Variants in PATE1 observed in about 807,000 individuals in gnomAD.
PATE1 encodes prostate and testis expressed 1, also known as prostate and testis expressed protein 1.
PATE1 carries 21 observed loss-of-function variants against 13.1 expected under a neutral mutation model. The ratio of observed to expected loss-of-function variants is 1.61; its 90% CI spans 1.14 to 2.31. PATE1 has a LOEUF of 2.31. Among genes scored for constraint, PATE1 ranks in the 30% most tolerant of loss-of-function variants. The probability of loss-of-function intolerance (pLI) is 0.00; values close to 1 mark genes in which losing one functional copy is unlikely to be tolerated. For missense variants in PATE1, 166 were observed against 147.2 expected, an observed-to-expected ratio of 1.13 and a Z score of -0.66; for synonymous variants, 52 against 47.1, an observed-to-expected ratio of 1.10 and a Z score of -0.43.
chr11:125,746,538 C>G lies in PATE1; in HGVS notation c.53-123C>G, dbSNP rs572872979. The G allele has an allele frequency of 4.4e-6, 6 of 1,372,084 alleles. No homozygotes were observed. The South Asian group carries it at 7.3e-5, about 17-fold the overall frequency. 85.0% of individuals were successfully genotyped at this position (1,372,084 alleles called of 1,614,324 possible). A position where few individuals can be genotyped will look rare whatever the true frequency, so the allele number is the denominator to read the frequency against. On this transcript the variant is annotated intron_variant, in intron 1 of 4. Transcript: ENST00000305738. ...CCAGGACCTTAACTAAAGCTCTTCTCCCTTCCTTTATGGGGGGAAATAGGT... is the reference window on the plus strand; with the variant it reads ...CCAGGACCTTAACTAAAGCTCTTCTGCCTTCCTTTATGGGGGGAAATAGGT...
rs1565413567 is a variant in PATE1, at chr11:125,746,315, C to T, written c.11C>T (p.Ser4Phe). 6.2e-7 allele frequency: 1 copy of T among 1,613,940 alleles called. No individual in the cohort carries two copies. The highest frequency in any genetic ancestry group is 8.5e-7 in the Non-Finnish European group (1 of 1,179,852). Residue 4 changes from serine (S) to phenylalanine (F), a missense_variant, in exon 1 of 5, where the codon TCC becomes TTC. By Grantham distance (155) the Ser-to-Phe change is radical. Transcript: ENST00000305738. ...CTCCCTCTTTCCAAAATGGACAAGT[C>T]CCTCTTGCTGGAACTCCCCATCCTG... MDKSLLLELPILLC... is the reference protein window; with the variant it reads MDKFLLLELPILLC...
chr11:125,746,317 C>G lies in PATE1; in HGVS notation c.13C>G (p.Leu5Val). The G allele has an allele frequency of 6.2e-7, 1 of 1,613,968 alleles. No homozygotes were observed. Among genetic ancestry groups the G allele is most frequent in the Non-Finnish European group, 8.5e-7 (1 of 1,179,872 alleles). MDKS[L>V]LLELPILLCC... The stretch of plus-strand genomic sequence containing the variant: ...CCCTCTTTCCAAAATGGACAAGTCC[C>G]TCTTGCTGGAACTCCCCATCCTGCT... The change falls in exon 1 of 5, where the codon CTC becomes GTC. Residue 5 changes from leucine to valine, a missense_variant. Physicochemically the swap from Leu to Val is conservative, Grantham distance 32. Transcript: ENST00000305738.
chr11:125,747,841 A>G lies in PATE1; in HGVS notation c.247+19A>G, dbSNP rs971930471. On this transcript the variant is annotated intron_variant, in intron 4 of 4. Coordinates refer to ENST00000305738, the MANE Select transcript of PATE1 (RefSeq NM_138294.3). ...TTCAAAAGTAAGTTGTGGGTTGGGG[A>G]AAAGAAGAACGGGCAGAGGACGTAT... 6 of 1,613,270 alleles carry G rather than the reference A, an allele frequency of 3.7e-6. No individual in the cohort carries two copies. Among genetic ancestry groups the G allele is most frequent in the East Asian group, 4.5e-5 (2 of 44,874 alleles).
intron 3 of PATE1, 98 bp downstream of exon 3, chr11:125,747,509 A>C: frequency 6.9e-7 from 1 of 1,441,908 alleles, no homozygotes; most frequent in Non-Finnish European, 9.6e-7. Flanking sequence ...TTTTCAGGCT[A>C]AAATTCCTGA....
At chr11:125,748,094 C>G in intron 4 of PATE1, 1 of 439,356 alleles carries the variant, frequency 2.3e-6, no homozygotes, top group Non-Finnish European at 4.1e-6. Flanking sequence ...TAGGTGTAAT[C>G]TATGCCCAAT....
At chr11:125,746,596 A>G in intron 1 of PATE1, 65 bp from the exon 2 acceptor site, 1 of 1,576,734 alleles carries the variant, frequency 6.3e-7, no homozygotes, top group South Asian at 1.1e-5. Flanking sequence ...ATGTTCATAG[A>G]AGCTTTGAGA....
chr11:125,747,701 G>A lies in PATE1; in HGVS notation c.126G>A (p.Val42=). Residue 42 remains valine, a splice_region_variant and synonymous_variant, in exon 4 of 5, where the codon GTG becomes GTA. Coordinates refer to ENST00000305738, the MANE Select transcript of PATE1 (RefSeq NM_138294.3). The part of the protein sequence containing the change: ...EIVAVKNNFP[V]IEIVQCRMCH... ...CTCTTTCCCCTCTCTCTGGCCAAGT[G>A]ATAGAAATTGTTCAGTGTAGGATGT... 1 of 1,613,328 alleles carries A rather than the reference G, an allele frequency of 6.2e-7. No individual in the cohort carries two copies. Among genetic ancestry groups the A allele is most frequent in the Non-Finnish European group, 8.5e-7 (1 of 1,179,702 alleles).
In PATE1 at chr11:125,747,801, A is replaced by C. The variant is rs761928759; in HGVS notation, c.226A>C (p.Met76Leu). 1 of 1,613,874 alleles carries C rather than the reference A, an allele frequency of 6.2e-7. No homozygotes were observed. The change falls in exon 4 of 5, where the codon ATG becomes CTG. Residue 76 changes from methionine (M) to leucine (L), a missense_variant. Met to Leu is a conservative substitution (Grantham distance 15). Transcript: ENST00000305738. ...ICTATTEEAC[M>L]VGRMFKRDGN... The stretch of plus-strand genomic sequence containing the variant: ...CACAGCAACAACAGAAGAGGCCTGC[A>C]TGGTTGGAAGGATGTTCAAAAGTAA...
At position 125,748,850 on chromosome 11, in the gene PATE1, G is replaced by A. The variant is rs1026605269; in HGVS notation, c.*117G>A. On this transcript the variant is annotated 3_prime_UTR_variant, in exon 5 of 5. Coordinates refer to ENST00000305738, the MANE Select transcript of PATE1 (RefSeq NM_138294.3). Reference sequence around the variant, plus strand: ...CACACACACACTACAGAAGAGGATTGCAAACACATGGCTCCATCTTCTGCA... The same window carrying A: ...CACACACACACTACAGAAGAGGATTACAAACACATGGCTCCATCTTCTGCA... 8 of 1,268,638 alleles carry A rather than the reference G, an allele frequency of 6.3e-6. No homozygotes were observed. Among genetic ancestry groups the A allele is most frequent in the African/African-American group, 1.5e-5 (1 of 66,296 alleles). The allele number at this position is 1,268,638 out of a possible 1,614,324, so 78.6% of individuals were successfully genotyped here. A position where few individuals can be genotyped will look rare whatever the true frequency, so the allele number is the denominator to read the frequency against.
rs1363546266 is a variant in PATE1 at position 125,748,785 on chromosome 11, G to C, written c.*52G>C. The stretch of plus-strand genomic sequence containing the variant: ...ATTTCTGGGTGAGGTTGTTGCCTCA[G>C]CCTCTTCACAATGACTTTCTAAAAA... On this transcript the variant is annotated 3_prime_UTR_variant, in exon 5 of 5. Transcript: ENST00000305738. 1.3e-6 allele frequency: 2 copies of C among 1,590,014 alleles called. No individual in the cohort carries two copies. The highest frequency in any genetic ancestry group is 1.7e-6 in the Non-Finnish European group (2 of 1,167,768).
intron 4 of PATE1, 194 bp downstream of exon 4, chr11:125,748,016 T>C: frequency 1.4e-6 from 1 of 719,208 alleles, no homozygotes; most frequent in Non-Finnish European, 2.2e-6. Flanking sequence ...GGTGGGGGCC[T>C]ACAGCTAAGG....
At chr11:125,747,615 C>A in intron 3 of PATE1, 85 bp from the exon 4 acceptor site, 1 of 1,573,564 alleles carries the variant, frequency 6.4e-7, no homozygotes, top group African/African-American at 1.3e-5. Context: ...TGGCTCTAGG[C>A]AGACTTCTAA....
rs1208592830 is a variant in PATE1 at position 125,747,794 on chromosome 11, G to A, written c.219G>A (p.Glu73=). The A allele has an allele frequency of 5.6e-6, 9 of 1,613,788 alleles. No individual in the cohort carries two copies. The highest frequency in any genetic ancestry group is 7.6e-6 in the Non-Finnish European group (9 of 1,179,822). ...GRGICTATTE[E]ACMVGRMFKR... ...GAATATGCACAGCAACAACAGAAGA[G>A]GCCTGCATGGTTGGAAGGATGTTCA... Residue 73 remains glutamate (E), a synonymous_variant, in exon 4 of 5, where the codon GAG becomes GAA. Transcript: ENST00000305738.
chr11:125,746,375 C>G lies in PATE1; in HGVS notation c.52+19C>G. On this transcript the variant is annotated intron_variant, in intron 1 of 4. Coordinates refer to ENST00000305738, the MANE Select transcript of PATE1 (RefSeq NM_138294.3). The stretch of plus-strand genomic sequence containing the variant: ...TTTAGGGGTGAGTCCCTAGGGTTGA[C>G]AGCTGGTAAGAGTCCTGAATTTAGG... 6.2e-7 allele frequency: 1 copy of G among 1,612,594 alleles called. No homozygotes were observed. The highest frequency in any genetic ancestry group is 1.3e-5 in the African/African-American group (1 of 74,996).
chr11:125,747,618 A>G lies in PATE1; in HGVS notation c.125-82A>G. ...GGCAAAGCCCTGTGGCTCTAGGCAG[A>G]CTTCTAACCCAAAAGGGGAGAGGGG... On this transcript the variant is annotated intron_variant, in intron 3 of 4. Coordinates refer to ENST00000305738, the MANE Select transcript of PATE1 (RefSeq NM_138294.3). 8.2e-6 allele frequency: 13 copies of G among 1,579,714 alleles called. No homozygotes were observed. The South Asian group carries it at 1.5e-4, about 18-fold the overall frequency.
intron 1 of PATE1, 119 bp from the exon 2 acceptor site, chr11:125,746,542 T>A (rs1445167900): frequency 7.2e-7 from 1 of 1,392,156 alleles, no homozygotes. Context: ...TCTTCTCCCT[T>A]CCTTTATGGG....
At position 125,746,755 on chromosome 11, in the gene PATE1, T is replaced by C. The variant is rs957993083; in HGVS notation, c.88+59T>C. 4.4e-6 allele frequency: 7 copies of C among 1,586,746 alleles called. No homozygotes were observed. In the South Asian group the frequency reaches 5.5e-5, roughly 13 times the overall value. ...GAAGGTCTGAGGAGGAAAAGATGAG[T>C]GGGGTGAGGTGAGCACCAGGGGCCA... is the stretch of plus-strand genomic sequence containing the variant. On this transcript the variant is annotated intron_variant, in intron 2 of 4. Coordinates refer to ENST00000305738, the MANE Select transcript of PATE1 (RefSeq NM_138294.3).
chr11:125,747,403 A>G lies in PATE1; in HGVS notation c.116A>G (p.Asn39Ser), dbSNP rs1441673819. 11 of 1,612,510 alleles carry G rather than the reference A, an allele frequency of 6.8e-6. No homozygotes were observed. Among genetic ancestry groups the G allele is most frequent in the Non-Finnish European group, 9.3e-6 (11 of 1,179,354 alleles). ...AATGAAATAGTTGCTGTGAAAAACAATTTTCCTGGTAAGTATGAAGAGGAC... is the reference window on the plus strand; with the variant it reads ...AATGAAATAGTTGCTGTGAAAAACAGTTTTCCTGGTAAGTATGAAGAGGAC... ...AVNEIVAVKN[N>S]FPVIEIVQCR... The change falls in exon 3 of 5, where the codon AAT becomes AGT. Residue 39 changes from asparagine (N) to serine (S), a missense_variant. By Grantham distance (46) the Asn-to-Ser change is conservative (BLOSUM62 1). Transcript: ENST00000305738.
Position 125,748,776 on chromosome 11 carries a change from G to A in PATE1, c.*43G>A. On this transcript the variant is annotated 3_prime_UTR_variant, in exon 5 of 5. Transcript: ENST00000305738. ...GTGACTCCAATTTCTGGGTGAGGTTGTTGCCTCAGCCTCTTCACAATGACT... is the reference window on the plus strand; with the variant it reads ...GTGACTCCAATTTCTGGGTGAGGTTATTGCCTCAGCCTCTTCACAATGACT... The A allele has an allele frequency of 1.2e-6, 2 of 1,604,778 alleles. No individual in the cohort carries two copies. Among genetic ancestry groups the A allele is most frequent in the Non-Finnish European group, 1.7e-6 (2 of 1,174,974 alleles).
Sources: allele counts gnomAD v4.1 joint callset, GRCh38; gene constraint gnomAD v4.1.1; transcripts MANE v1.5; gene names NCBI Gene and HGNC (gene_info 2026-07-23, HGNC 2026-07-21).